RAD51B: variants seen among roughly 807,000 people sequenced by gnomAD.
RAD51B encodes RAD51 paralog B.
RAD51B carries 38 observed loss-of-function variants against 42.2 expected under a neutral mutation model. The observed-to-expected ratio is 0.90, with a 90% confidence interval of 0.70 to 1.18. The LOEUF is 1.18. RAD51B is among the 50% of genes most tolerant of loss of function. RAD51B has a pLI of 0.00. For synonymous variants in RAD51B, 154 were observed against 145.2 expected, an observed-to-expected ratio of 1.06 and a Z score of -0.43; for missense variants, 373 against 400.7, an observed-to-expected ratio of 0.93 and a Z score of 0.59.
intron 7 of RAD51B, among the ~76,000 whole-genome samples, chr14:68,020,732 A>G (rs2075850659): frequency 6.6e-6 from 1 of 152,196 alleles, no homozygotes; most frequent in Non-Finnish European, 1.5e-5. Flanking sequence ...TGTACACTTG[A>G]AAATGGTTTA....
At chr14:68,426,704 G>T (rs901692415) in intron 9 of RAD51B, among the ~76,000 whole-genome samples, 2 of 152,180 alleles carry the variant, frequency 1.3e-5, no homozygotes, top group African/African-American at 4.8e-5. Context: ...AAGAAAGAGA[G>T]CATTTTCTGG....
At chr14:68,457,773 ATTTT>A (rs771439291) in intron 9 of RAD51B, among the ~76,000 whole-genome samples, 13 of 106,760 alleles carry the variant, frequency 1.2e-4, no homozygotes, top group Non-Finnish European at 1.9e-4. Context: ...TAATTTTTGT[ATTTT>A]TTTTTTTTTT....
At chr14:68,325,755 C>G (rs1342349577) in intron 8 of RAD51B, among the ~76,000 whole-genome samples, 1 of 151,986 alleles carries the variant, frequency 6.6e-6, no homozygotes, top group Non-Finnish European at 1.5e-5. Context: ...CGATGATGTT[C>G]TATTAAGAAC....
intron 7 of RAD51B, among the ~76,000 whole-genome samples, chr14:68,085,557 C>T (rs2076971495): frequency 1.3e-5 from 2 of 152,046 alleles, no homozygotes; most frequent in African/African-American, 4.8e-5. Context: ...AAGTAAAATA[C>T]AAAAAGATTG....
At chr14:68,319,662 G>T (rs1031528605) in intron 8 of RAD51B, among the ~76,000 whole-genome samples, 1 of 152,180 alleles carries the variant, frequency 6.6e-6, no homozygotes, top group Non-Finnish European at 1.5e-5. Flanking sequence ...GGATGCTTCT[G>T]TGTTCCAGCT....
In RAD51B at chr14:68,334,874, G is replaced by A. The variant is rs1005997079; in HGVS notation, c.853+42894G>A. On this transcript the variant is annotated intron_variant, in intron 8 of 10. Coordinates refer to ENST00000471583, the MANE Select transcript of RAD51B (RefSeq NM_133510.4). ...TATATCATATATTTTATGATATATA[G>A]GATAGATATATATTTTATGATATAT... Among the ~76,000 whole-genome samples the A allele has an allele frequency of 3.5e-5, 5 of 143,196 alleles. No homozygotes were observed. The East Asian group carries it at 9.8e-4, about 28-fold the overall frequency. The allele number at this position is 143,196 out of a possible 152,430, so 93.9% of individuals were successfully genotyped here. A position where few individuals can be genotyped will look rare whatever the true frequency, so the allele number is the denominator to read the frequency against.
chr14:68,351,062 C>T (rs2082776812), intron 8 of RAD51B, among the ~76,000 whole-genome samples: 1 of 152,140 alleles, frequency 6.6e-6, no homozygotes, highest in South Asian at 2.1e-4. Flanking sequence ...CTGCCCTACG[C>T]CCTGAGGTTG....
At chr14:68,159,359 C>G (rs984781869) in intron 7 of RAD51B, among the ~76,000 whole-genome samples, 15 of 152,042 alleles carry the variant, frequency 9.9e-5, no homozygotes, top group African/African-American at 2.9e-4. Context: ...CGGTGGCTCA[C>G]GCCTGTAATC....
chr14:68,451,921 G>A (rs1450750326), intron 9 of RAD51B, among the ~76,000 whole-genome samples: 1 of 152,194 alleles, frequency 6.6e-6, no homozygotes, highest in African/African-American at 2.4e-5. Context: ...GATGTAACAG[G>A]GATGTGTGCT....
chr14:68,485,115 C>T (rs936905187), intron 10 of RAD51B, among the ~76,000 whole-genome samples: 21 of 152,198 alleles, frequency 1.4e-4, no homozygotes, highest in Non-Finnish European at 2.5e-4. Flanking sequence ...GGAAGGCCAG[C>T]TTTTCCTAGA....
At chr14:68,450,411 G>C (rs1301895517) in intron 9 of RAD51B, among the ~76,000 whole-genome samples, 1 of 152,062 alleles carries the variant, frequency 6.6e-6, no homozygotes, top group African/African-American at 2.4e-5. Flanking sequence ...TAGAGACGGG[G>C]TTTCGCCCTG....
intron 7 of RAD51B, among the ~76,000 whole-genome samples, chr14:68,159,478 G>C (rs1313667406): frequency 1.3e-5 from 2 of 151,998 alleles, no homozygotes; most frequent in Non-Finnish European, 2.9e-5. Flanking sequence ...AAATTAGCCA[G>C]CCACGATGGC....
intron 10 of RAD51B, among the ~76,000 whole-genome samples, chr14:68,643,352 A>G (rs1892502056): frequency 6.6e-6 from 1 of 152,228 alleles, no homozygotes; most frequent in South Asian, 2.1e-4. Flanking sequence ...TAGTGTTAGC[A>G]TGGTATGTCT....
At chr14:68,070,294 T>C (rs2076720752) in intron 7 of RAD51B, among the ~76,000 whole-genome samples, 1 of 152,206 alleles carries the variant, frequency 6.6e-6, no homozygotes, top group Admixed American at 6.5e-5. Context: ...TAGGTCTTAC[T>C]TGTCGATTTT....
chr14:68,185,881 T>C (rs116095241), intron 7 of RAD51B, among the ~76,000 whole-genome samples: 2,190 of 152,296 alleles, frequency 0.014, 60 homozygotes, highest in African/African-American at 0.05. Flanking sequence ...CACAGACCAG[T>C]GTTGGTCCAT....
chr14:67,820,483 C>G (rs1327796856), intron 1 of RAD51B, among the ~76,000 whole-genome samples: 1 of 152,074 alleles, frequency 6.6e-6, no homozygotes, highest in African/African-American at 2.4e-5. Flanking sequence ...GGTTCATTCT[C>G]CAGGGTTGAC....
chr14:68,090,696 T>TTTA lies in RAD51B; in HGVS notation c.757-201168_757-201166dup, dbSNP rs544898659. Among the ~76,000 whole-genome samples the TTTA allele has an allele frequency of 4.5e-3, 656 of 147,080 alleles. 3 individuals carry two copies. The highest frequency in any genetic ancestry group is 0.011 in the African/African-American group (461 of 40,930). ...TGATTTTATTTATTTTATTTATTTA[T>TTTA]TTATTATTATTATTATTATTATACT... is the stretch of plus-strand genomic sequence containing the variant. On this transcript the variant is annotated intron_variant, in intron 7 of 10. Coordinates refer to ENST00000471583, the MANE Select transcript of RAD51B (RefSeq NM_133510.4).
intron 10 of RAD51B, among the ~76,000 whole-genome samples, chr14:68,505,168 T>C (rs1272121988): frequency 6.6e-6 from 1 of 152,218 alleles, no homozygotes; most frequent in African/African-American, 2.4e-5. Flanking sequence ...CCCTGAAGTA[T>C]AGATGGAGGG....
At position 68,155,340 on chromosome 14, in the gene RAD51B, C is replaced by T. The variant is rs138703145; in HGVS notation, c.757-136544C>T. ...CCAAGTAGCTGGGACTACAGGTGCC[C>T]GCCACCATGCCCAGCTAATTTTTTG... is the stretch of plus-strand genomic sequence containing the variant. On this transcript the variant is annotated intron_variant, in intron 7 of 10. Coordinates refer to ENST00000471583, the MANE Select transcript of RAD51B (RefSeq NM_133510.4). Among the ~76,000 whole-genome samples the T allele has an allele frequency of 9.2e-3, 1,401 of 151,900 alleles. 20 individuals carry two copies. Among genetic ancestry groups the T allele is most frequent in the African/African-American group, 0.032 (1,313 of 41,428 alleles).
Sources: allele counts gnomAD v4.1 joint callset (sites outside exome capture counted in the v4.1 genomes callset), GRCh38; gene constraint gnomAD v4.1.1; transcripts MANE v1.5; gene names NCBI Gene and HGNC (gene_info 2026-07-23, HGNC 2026-07-21).